The following CLEC2D variants were observed in gnomAD, a reference collection of about 807,000 sequenced individuals.
CLEC2D encodes the protein C-type lectin related f.
Under a neutral mutation model 20.0 loss-of-function variants are expected in CLEC2D, and 16 were observed. That is an observed-to-expected ratio of 0.80 (90% CI 0.54 to 1.22). The LOEUF (loss-of-function observed/expected upper bound fraction) is 1.22. Among genes scored for constraint, CLEC2D ranks in the 50% most tolerant of loss-of-function variants. CLEC2D has a pLI of 0.00. For missense variants in CLEC2D, 207 were observed against 221.5 expected (o/e 0.93, Z 0.42); for synonymous variants, 77 against 71.1 (o/e 1.08, Z -0.42).
rs567881669 is a variant in CLEC2D at position 9,682,309 on chromosome 12, A to C, written c.172+1276A>C. Among the ~76,000 whole-genome samples, 9 of 152,284 alleles carry C rather than the reference A, an allele frequency of 5.9e-5. No individual in the cohort carries two copies. In the South Asian group the frequency reaches 1.9e-3, roughly 32 times the overall value. On this transcript the variant is annotated intron_variant, in intron 2 of 4. Transcript: ENST00000290855. ...TTTCCCCATTTAAATCGAGTTATTT[A>C]GATTGGCTTTAGTTATAAAAATTCC...
Position 9,695,850 on chromosome 12 carries a change from T to C in CLEC2D, c.*976T>C. On this transcript the variant is annotated 3_prime_UTR_variant, in exon 5 of 5. Transcript: ENST00000290855. ...GGCAGAAAAAAGTAAAACTTGCTGC[T>C]GCTGCTGATGATGATGATGATGAAG... 1 of 973,796 alleles carries C rather than the reference T, an allele frequency of 1.0e-6. No homozygotes were observed. The highest frequency in any genetic ancestry group is 1.6e-6 in the Non-Finnish European group (1 of 612,142). 60.3% of individuals were successfully genotyped at this position (973,796 alleles called of 1,614,324 possible). A position where few individuals can be genotyped will look rare whatever the true frequency, so the allele number is the denominator to read the frequency against.
At chr12:9,686,588 T>G (rs1865754289) in intron 2 of CLEC2D, among the ~76,000 whole-genome samples, 1 of 152,150 alleles carries the variant, frequency 6.6e-6, no homozygotes, top group South Asian at 2.1e-4. Flanking sequence ...ATGGTGCCAA[T>G]TGATAGTAAT....
Position 9,694,823 on chromosome 12 carries a change from GC to G in CLEC2D, c.526del (p.His176ThrfsTer27). 1 of 1,612,596 alleles carries G rather than the reference GC, an allele frequency of 6.2e-7. No individual in the cohort carries two copies. Among genetic ancestry groups the G allele is most frequent in the Non-Finnish European group, 8.5e-7 (1 of 1,178,800 alleles). On this transcript the variant is annotated frameshift_variant, in exon 5 of 5. Transcript: ENST00000290855. LOFTEE classifies it low-confidence loss of function (END_TRUNC). ...ATGACAAAGGTGCCAGTAGTGCCAG[GC>G]ACTACACAGAGAGGAAGTGGATTTG... ...LNDKGASSAR[H>X]YTERKWICSK...
intron 2 of CLEC2D, among the ~76,000 whole-genome samples, chr12:9,684,774 C>T (rs748878048): frequency 5.3e-5 from 8 of 152,164 alleles, no homozygotes; most frequent in African/African-American, 1.2e-4. Context: ...CTGCTGGATT[C>T]GGCTGGCCAG....
At position 9,688,008 on chromosome 12, in the gene CLEC2D, C is replaced by G. The variant is rs767503464; in HGVS notation, c.279C>G (p.Thr93=). ...QRKCFYFSDD[T]KNWTSSQRFC... is the part of the protein sequence containing the mutation. Reference sequence around the variant, plus strand: ...AGTGTTTCTATTTTTCTGATGACACCAAGAACTGGACATCAAGTCAGAGGT... The same window carrying G: ...AGTGTTTCTATTTTTCTGATGACACGAAGAACTGGACATCAAGTCAGAGGT... Residue 93 remains threonine, a synonymous_variant, in exon 3 of 5, where the codon ACC becomes ACG. Coordinates refer to ENST00000290855, the MANE Select transcript of CLEC2D (RefSeq NM_013269.6). 1.2e-6 allele frequency: 2 copies of G among 1,612,520 alleles called. No homozygotes were observed. Among genetic ancestry groups the G allele is most frequent in the South Asian group, 2.2e-5 (2 of 90,930 alleles).
chr12:9,693,969 CTTTTTTTTTTTTT>C (rs67746754), intron 4 of CLEC2D: 13 of 63,684 alleles, frequency 2.0e-4, no homozygotes, highest in Admixed American at 1.1e-3. Flanking sequence ...CCTTGCTTGG[CTTTTTTTTTTTTT>C]TTTTTTTTTT....
Position 9,699,057 on chromosome 12 carries a change from C to T in CLEC2D, c.*4183C>T, listed in dbSNP as rs1198520363. ...TTCTCACAAACCATTGTCTTCTCTG[C>T]AAGCCCAGTAGACTTTGTCCCAGGC... On this transcript the variant is annotated 3_prime_UTR_variant, in exon 5 of 5. Coordinates refer to ENST00000290855, the MANE Select transcript of CLEC2D (RefSeq NM_013269.6). 1 of 152,174 alleles carries T rather than the reference C, an allele frequency of 6.6e-6. No homozygotes were observed. The highest frequency in any genetic ancestry group is 1.5e-5 in the Non-Finnish European group (1 of 68,038). The allele number at this position is 152,174 out of a possible 1,614,324, so 9.4% of individuals were successfully genotyped here.
chr12:9,684,306 A>T (rs887896358), intron 2 of CLEC2D, among the ~76,000 whole-genome samples: 1 of 152,212 alleles, frequency 6.6e-6, no homozygotes, highest in Admixed American at 6.5e-5. Context: ...CTAAATATAC[A>T]ATTCTGTCAT....
intron 2 of CLEC2D, among the ~76,000 whole-genome samples, chr12:9,682,071 T>C (rs987968474): frequency 3.3e-5 from 5 of 152,328 alleles, no homozygotes; most frequent in East Asian, 1.9e-4. Flanking sequence ...TTGACACTTA[T>C]GACTGTTTTC....
chr12:9,682,379 T>A (rs983015468), intron 2 of CLEC2D, among the ~76,000 whole-genome samples: 11 of 152,196 alleles, frequency 7.2e-5, no homozygotes, highest in Admixed American at 1.3e-4. Flanking sequence ...ACTTTTTTTT[T>A]AAATTATACT....
chr12:9,683,554 G>C (rs1218455406), intron 2 of CLEC2D, among the ~76,000 whole-genome samples: 1 of 152,016 alleles, frequency 6.6e-6, no homozygotes, highest in Non-Finnish European at 1.5e-5. Flanking sequence ...TTTGTGTAAG[G>C]TGTAAGGAAG....
intron 3 of CLEC2D, among the ~76,000 whole-genome samples, chr12:9,689,042 G>A (rs1865812017): frequency 6.6e-6 from 1 of 152,174 alleles, no homozygotes; most frequent in Non-Finnish European, 1.5e-5. Flanking sequence ...TGCAGCCAGG[G>A]TGAACAATAA....
chr12:9,680,221 G>A, intron 1 of CLEC2D: 2 of 347,996 alleles, frequency 5.7e-6, no homozygotes, highest in East Asian at 9.8e-5. Context: ...ATGTGAAGAA[G>A]AACACGTTTG....
chr12:9,679,728 A>T (rs1249640534), intron 1 of CLEC2D, among the ~76,000 whole-genome samples: 3 of 152,212 alleles, frequency 2.0e-5, no homozygotes, highest in Non-Finnish European at 4.4e-5. Flanking sequence ...CTTGGGAAAC[A>T]TCAATGTAAA....
rs139494099 is a variant in CLEC2D, at chr12:9,685,393, A to G, written c.173-2509A>G. ...TGCTGGGAGATCCACTGCTCTTTTCAGAGCTGGCTGGCAGGAATGTTTAAG... is the reference window on the plus strand; with the variant it reads ...TGCTGGGAGATCCACTGCTCTTTTCGGAGCTGGCTGGCAGGAATGTTTAAG... On this transcript the variant is annotated intron_variant, in intron 2 of 4. Transcript: ENST00000290855. 9.2e-3 allele frequency among the ~76,000 whole-genome samples: 1,399 copies of G among 152,334 alleles called. 15 individuals carry two copies. Among genetic ancestry groups the G allele is most frequent in the African/African-American group, 0.029 (1,190 of 41,588 alleles).
At chr12:9,681,219 C>T (rs1034968001) in intron 2 of CLEC2D, among the ~76,000 whole-genome samples, 186 bp downstream of exon 2, 9 of 151,978 alleles carry the variant, frequency 5.9e-5, no homozygotes, top group Non-Finnish European at 4.4e-5. Context: ...CACATTATTC[C>T]AAGTTTAGTG....
chr12:9,685,382 C>T (rs1367619761), intron 2 of CLEC2D, among the ~76,000 whole-genome samples: 1 of 152,240 alleles, frequency 6.6e-6, no homozygotes. Flanking sequence ...GGGAGATCCA[C>T]TGCTCTTTTC....
rs116884867 is a variant in CLEC2D, at chr12:9,677,203, T to A, written c.62-3720T>A. The stretch of plus-strand genomic sequence containing the variant: ...TAGTTTCCTAAGGTGTAAACTTAGA[T>A]CATTAATTTTAGATCTTTATTTTTT... On this transcript the variant is annotated intron_variant, in intron 1 of 4. Transcript: ENST00000290855. Among the ~76,000 whole-genome samples the A allele has an allele frequency of 6.5e-4, 99 of 152,244 alleles. 1 individual carries two copies. The East Asian group carries it at 0.017, about 25-fold the overall frequency.
At chr12:9,691,049 A>G (rs1046903550) in intron 3 of CLEC2D, among the ~76,000 whole-genome samples, 1 of 152,114 alleles carries the variant, frequency 6.6e-6, no homozygotes, top group African/African-American at 2.4e-5. Context: ...ATAAGGACAC[A>G]AAGAAGTTGA....
Sources: gnomAD v4.1 joint callset for allele counts (sites outside exome capture counted in the v4.1 genomes callset) on GRCh38, gnomAD v4.1.1 for gene constraint, MANE v1.5 for transcripts, NCBI Gene and HGNC (gene_info 2026-07-23, HGNC 2026-07-21) for gene names.